The following DPP10 variants were observed in gnomAD, a reference collection of about 807,000 sequenced individuals.
DPP10 encodes the protein inactive dipeptidyl peptidase 10.
Under a neutral mutation model 120.9 loss-of-function variants are expected in DPP10, and 33 were observed. The observed-to-expected ratio is 0.27, with a 90% CI of 0.21 to 0.37. The LOEUF is 0.37. DPP10 is among the 10% of genes least tolerant of loss of function. The pLI, the probability that DPP10 is intolerant of heterozygous loss-of-function variation, is 1.00. For synonymous variants in DPP10, 337 were observed against 326.1 expected, an observed-to-expected ratio of 1.03 and a Z score of -0.36; for missense variants, 816 against 942.8, an observed-to-expected ratio of 0.87 and a Z score of 1.76.
chr2:115,476,491 C>G (rs1263595420), intron 3 of DPP10, among the ~76,000 whole-genome samples: 1 of 152,126 alleles, frequency 6.6e-6, no homozygotes, highest in African/African-American at 2.4e-5. Context: ...AGTACAAGAA[C>G]AAGCAAATAC....
intron 1 of DPP10, among the ~76,000 whole-genome samples, chr2:114,537,903 C>T (rs1044392204): frequency 8.5e-5 from 13 of 152,184 alleles, no homozygotes; most frequent in African/African-American, 3.1e-4. Flanking sequence ...AAGCCCAAAC[C>T]TCTCTCTTAC....
chr2:115,429,521 A>T (rs1048886964), intron 3 of DPP10, among the ~76,000 whole-genome samples: 2 of 152,182 alleles, frequency 1.3e-5, no homozygotes, highest in African/African-American at 4.8e-5. Context: ...AAGAAGACAG[A>T]TTTATTTTAT....
At position 115,718,051 on chromosome 2, in the gene DPP10, G is replaced by A. The variant is rs530398564; in HGVS notation, c.577-9765G>A. ...TAGCCGGTATAGAGAAAATGGGTGC[G>A]TGGTCATTAATTTACCATCTTTAAA... On this transcript the variant is annotated intron_variant, in intron 7 of 25. Transcript: ENST00000410059. 5.3e-5 allele frequency among the ~76,000 whole-genome samples: 8 copies of A among 152,148 alleles called. No individual in the cohort carries two copies. The South Asian group carries it at 8.3e-4, about 16-fold the overall frequency.
chr2:115,310,870 T>G (rs2061548739), intron 2 of DPP10, among the ~76,000 whole-genome samples: 1 of 152,188 alleles, frequency 6.6e-6, no homozygotes. Context: ...TCCCTGTGTA[T>G]TTCTCTTGAA....
intron 1 of DPP10, among the ~76,000 whole-genome samples, chr2:114,808,086 C>G (rs1684885301): frequency 6.6e-6 from 1 of 152,172 alleles, no homozygotes; most frequent in Non-Finnish European, 1.5e-5. Flanking sequence ...GAAACACATA[C>G]CCTTTTATGA....
intron 1 of DPP10, among the ~76,000 whole-genome samples, chr2:115,018,548 T>C (rs1330645797): frequency 1.3e-5 from 2 of 152,042 alleles, no homozygotes; most frequent in Admixed American, 6.5e-5. Flanking sequence ...AGTGAAAAAA[T>C]ATGTCCTTTG....
chr2:115,439,384 G>A (rs1299371924), intron 3 of DPP10, among the ~76,000 whole-genome samples: 1 of 152,166 alleles, frequency 6.6e-6, no homozygotes, highest in Admixed American at 6.5e-5. Context: ...AACGTGTCAG[G>A]ACATAACAGT....
intron 3 of DPP10, among the ~76,000 whole-genome samples, chr2:115,374,804 T>A (rs977214093): frequency 7.2e-5 from 11 of 152,192 alleles, no homozygotes; most frequent in Non-Finnish European, 1.6e-4. Flanking sequence ...GTACATTGGT[T>A]TCTTTTAGCT....
chr2:115,565,760 G>GT (rs2080965784), intron 5 of DPP10, among the ~76,000 whole-genome samples: 2 of 45,116 alleles, frequency 4.4e-5, no homozygotes, highest in Admixed American at 1.9e-4. Flanking sequence ...TTTTTTTTTT[G>GT]TTTGTTTTGT....
At chr2:115,006,797 T>C (rs1173681447) in intron 1 of DPP10, among the ~76,000 whole-genome samples, 1 of 151,844 alleles carries the variant, frequency 6.6e-6, no homozygotes, top group Admixed American at 6.6e-5. Context: ...CTGTCAACAT[T>C]AGACAGATCA....
intron 5 of DPP10, among the ~76,000 whole-genome samples, chr2:115,585,223 G>A (rs1306795335): frequency 6.6e-6 from 1 of 152,114 alleles, no homozygotes; most frequent in Non-Finnish European, 1.5e-5. Flanking sequence ...GAGCTAAGAA[G>A]TAAATTAATC....
At chr2:115,055,877 T>G (rs1240689537) in intron 1 of DPP10, among the ~76,000 whole-genome samples, 1 of 152,290 alleles carries the variant, frequency 6.6e-6, no homozygotes, top group East Asian at 1.9e-4. Flanking sequence ...AATGTAGAGT[T>G]TTGAAGATAC....
intron 3 of DPP10, among the ~76,000 whole-genome samples, chr2:115,406,996 G>A (rs919882784): frequency 1.1e-4 from 17 of 152,258 alleles, no homozygotes; most frequent in African/African-American, 1.7e-4. Flanking sequence ...AAGAGTGACG[G>A]GGAGTGGAAT....
At chr2:114,861,419 G>A (rs1478934952) in intron 1 of DPP10, among the ~76,000 whole-genome samples, 2 of 152,134 alleles carry the variant, frequency 1.3e-5, no homozygotes, top group Non-Finnish European at 2.9e-5. Context: ...CAAAAGTTAA[G>A]AGTATCATTC....
chr2:115,720,455 A>C (rs967673315), intron 7 of DPP10, among the ~76,000 whole-genome samples: 17 of 152,160 alleles, frequency 1.1e-4, no homozygotes, highest in Non-Finnish European at 2.9e-5. Context: ...AATATGTCTT[A>C]AATATTTCAA....
intron 1 of DPP10, among the ~76,000 whole-genome samples, chr2:114,750,191 T>C (rs1574100289): frequency 6.6e-6 from 1 of 151,966 alleles, no homozygotes; most frequent in Non-Finnish European, 1.5e-5. Context: ...GCAAAGTATG[T>C]TGAAGGCTGA....
chr2:114,807,203 G>A (rs1368439344), intron 1 of DPP10, among the ~76,000 whole-genome samples: 1 of 152,096 alleles, frequency 6.6e-6, no homozygotes, highest in Non-Finnish European at 1.5e-5. Flanking sequence ...TTACCTAGAA[G>A]CAGGAGGGAC....
chr2:115,800,365 T>C (rs144818655), intron 19 of DPP10, among the ~76,000 whole-genome samples: 915 of 114,604 alleles, frequency 8.0e-3, no homozygotes, highest in South Asian at 0.012. Context: ...GTTGCAAAAA[T>C]TTTCTCCCAT....
At chr2:114,619,910 T>C (rs2105325493) in intron 1 of DPP10, among the ~76,000 whole-genome samples, 1 of 152,088 alleles carries the variant, frequency 6.6e-6, no homozygotes, top group Non-Finnish European at 1.5e-5. Context: ...ATCATGAAGC[T>C]TACTTTTAAA....
Sources: gnomAD v4.1 joint callset for allele counts (sites outside exome capture counted in the v4.1 genomes callset) on GRCh38, gnomAD v4.1.1 for gene constraint, MANE v1.5 for transcripts, NCBI Gene and HGNC (gene_info 2026-07-23, HGNC 2026-07-21) for gene names.